Variants in CFAP47 observed in about 807,000 individuals in gnomAD.
The protein encoded by CFAP47 is cilia and flagella associated protein 47.
CFAP47 carries 29 observed loss-of-function variants against 148.1 expected under a neutral mutation model. The observed-to-expected ratio is 0.20, with a 90% CI of 0.15 to 0.27. The LOEUF is 0.27. Among genes scored for constraint, CFAP47 ranks in the 10% least tolerant of loss-of-function variants. The pLI, the probability that CFAP47 is intolerant of heterozygous loss-of-function variation, is 1.00. For synonymous variants in CFAP47, 664 were observed against 577.3 expected (o/e 1.15, Z -2.15); for missense variants, 1,872 against 1,697.5 (o/e 1.10, Z -1.81).
intron 18 of CFAP47, among the ~76,000 whole-genome samples, chrX:35,995,949 T>C (rs1355123667): frequency 8.9e-6 from 1 of 111,844 alleles, no homozygotes; most frequent in Non-Finnish European, 1.9e-5. Flanking sequence ...ATCCAGGAAC[T>C]GTTCTCTCTG....
intron 57 of CFAP47, among the ~76,000 whole-genome samples, chrX:36,329,113 T>A (rs782617564): frequency 6.3e-5 from 7 of 111,650 alleles, no homozygotes; most frequent in Non-Finnish European, 1.1e-4. Context: ...TTCTGTGAAA[T>A]GTTTATTAAA....
chrX:36,235,612 T>C (rs1158652322), intron 46 of CFAP47, among the ~76,000 whole-genome samples: 1 of 112,194 alleles, frequency 8.9e-6, no homozygotes, highest in African/African-American at 3.2e-5. Context: ...TCACACACGG[T>C]GCGCTGCACC....
intron 40 of CFAP47, among the ~76,000 whole-genome samples, chrX:36,180,784 C>T (rs1939741258): frequency 9.0e-6 from 1 of 111,692 alleles, no homozygotes; most frequent in Non-Finnish European, 1.9e-5. Context: ...GTCATGCTTA[C>T]CTAGGGCTTT....
At chrX:35,990,361 C>T (rs998083095) in intron 16 of CFAP47, among the ~76,000 whole-genome samples, 1 of 110,879 alleles carries the variant, frequency 9.0e-6, no homozygotes, top group African/African-American at 3.3e-5. Flanking sequence ...TTCTAGTTCC[C>T]CTTTGGCTAC....
intron 48 of CFAP47, among the ~76,000 whole-genome samples, chrX:36,238,497 T>A (rs1254722157): frequency 4.5e-5 from 5 of 112,154 alleles, no homozygotes; most frequent in African/African-American, 1.3e-4. Context: ...GAATATTTTG[T>A]CCATTCCTTA....
chrX:36,380,866 A>G (rs996167645), intron 63 of CFAP47, among the ~76,000 whole-genome samples: 5 of 112,379 alleles, frequency 4.4e-5, no homozygotes, highest in African/African-American at 1.6e-4. Context: ...TACAGTAGAC[A>G]GTTCTGCAAT....
chrX:36,163,269 A>G (rs1378140109), intron 39 of CFAP47, among the ~76,000 whole-genome samples: 1 of 111,846 alleles, frequency 8.9e-6, no homozygotes, highest in Non-Finnish European at 1.9e-5. Flanking sequence ...CCCTTATTTT[A>G]GTAATTTAAT....
chrX:36,140,685 C>A (rs932220543), intron 35 of CFAP47, among the ~76,000 whole-genome samples: 2 of 111,599 alleles, frequency 1.8e-5, no homozygotes, highest in African/African-American at 6.5e-5. Flanking sequence ...ACTGGTCCAC[C>A]ATTGAATCCT....
intron 25 of CFAP47, among the ~76,000 whole-genome samples, chrX:36,046,271 A>G (rs897609042): frequency 8.1e-5 from 9 of 110,624 alleles, no homozygotes; most frequent in Non-Finnish European, 1.7e-4. Flanking sequence ...TAAAGTGAAT[A>G]CTATTAATAC....
At chrX:36,121,650 GC>G (rs2146813667) in intron 33 of CFAP47, among the ~76,000 whole-genome samples, 1 of 111,197 alleles carries the variant, frequency 9.0e-6, no homozygotes, top group Admixed American at 9.5e-5. Context: ...CCAAAAGAAA[GC>G]CCTTAAGAAC....
intron 60 of CFAP47, among the ~76,000 whole-genome samples, chrX:36,354,267 G>A (rs1481597585): frequency 9.1e-6 from 1 of 110,226 alleles, no homozygotes; most frequent in Non-Finnish European, 1.9e-5. Context: ...GGATCACGAG[G>A]TCAGGAGTTT....
intron 45 of CFAP47, among the ~76,000 whole-genome samples, chrX:36,208,255 ACAAC>A (rs1940060319): frequency 8.9e-6 from 1 of 111,764 alleles, no homozygotes; most frequent in East Asian, 2.8e-4. Flanking sequence ...ATCATCCATG[ACAAC>A]TTTTTAATGT....
At chrX:36,326,882 G>A (rs1266704982) in intron 57 of CFAP47, among the ~76,000 whole-genome samples, 3 of 111,561 alleles carry the variant, frequency 2.7e-5, no homozygotes, top group Non-Finnish European at 3.8e-5. Flanking sequence ...TATAAATGGT[G>A]TGGGGATAAC....
intron 15 of CFAP47, among the ~76,000 whole-genome samples, chrX:35,982,932 G>C (rs2146676733): frequency 9.0e-6 from 1 of 111,721 alleles, no homozygotes; most frequent in African/African-American, 3.2e-5. Context: ...GATTGTCTTG[G>C]CTATTTGGGC....
chrX:36,164,400 G>A (rs1939465525), intron 39 of CFAP47, among the ~76,000 whole-genome samples: 3 of 111,150 alleles, frequency 2.7e-5, no homozygotes, highest in African/African-American at 9.8e-5. Flanking sequence ...CTTCCTGATT[G>A]TTCATATAAA....
chrX:36,186,978 A>G (rs1413873990), intron 40 of CFAP47, among the ~76,000 whole-genome samples: 3 of 110,919 alleles, frequency 2.7e-5, no homozygotes. Flanking sequence ...GTGTGGACTG[A>G]GGTGCAAGGA....
At chrX:36,071,441 C>A (rs888185256) in intron 27 of CFAP47, among the ~76,000 whole-genome samples, 7 of 112,234 alleles carry the variant, frequency 6.2e-5, no homozygotes, top group Non-Finnish European at 1.3e-4. Context: ...TCTGGTGACT[C>A]TTTTCCTATA....
At chrX:36,064,391 T>C (rs192113993) in intron 26 of CFAP47, among the ~76,000 whole-genome samples, 44 of 111,732 alleles carry the variant, frequency 3.9e-4, no homozygotes, top group African/African-American at 1.3e-3. Flanking sequence ...TGATGTTGAG[T>C]GTGTGTATTT....
At chrX:36,264,750 G>T (rs1940870415) in intron 49 of CFAP47, among the ~76,000 whole-genome samples, 1 of 111,585 alleles carries the variant, frequency 9.0e-6, no homozygotes. Flanking sequence ...TCTTATGAAG[G>T]TATTTTTTCT....
Sources: allele counts gnomAD v4.1 joint callset (sites outside exome capture counted in the v4.1 genomes callset), GRCh38; gene constraint gnomAD v4.1.1; transcripts MANE v1.5; gene names NCBI Gene and HGNC (gene_info 2026-07-23, HGNC 2026-07-21).